Variants in PHKB observed in about 807,000 individuals in gnomAD.
PHKB encodes phosphorylase kinase regulatory subunit beta.
Under a neutral mutation model 152.1 loss-of-function variants are expected in PHKB, and 122 were observed. That is an observed-to-expected ratio of 0.80 (90% CI 0.69 to 0.93). PHKB has a LOEUF of 0.93. Among genes scored for constraint, PHKB ranks in the 40% least tolerant of loss-of-function variants. PHKB has a pLI of 0.00. For missense variants in PHKB, 1,304 were observed against 1,328.4 expected, an observed-to-expected ratio of 0.98 and a Z score of 0.29; for synonymous variants, 436 against 464.9, an observed-to-expected ratio of 0.94 and a Z score of 0.80.
At chr16:47,680,405 AT>A (rs1322728920) in intron 26 of PHKB, among the ~76,000 whole-genome samples, 1 of 151,910 alleles carries the variant, frequency 6.6e-6, no homozygotes, top group African/African-American at 2.4e-5. Flanking sequence ...GTCCTGGACT[AT>A]TTTTGGTTGG....
chr16:47,605,797 GT>G (rs932334261), intron 13 of PHKB, among the ~76,000 whole-genome samples: 20 of 151,786 alleles, frequency 1.3e-4, no homozygotes, highest in African/African-American at 4.8e-4. Context: ...TGTCTAAATA[GT>G]TTTTTTTATT....
At chr16:47,569,096 A>G (rs977795921) in intron 7 of PHKB, among the ~76,000 whole-genome samples, 3 of 152,160 alleles carry the variant, frequency 2.0e-5, no homozygotes, top group Non-Finnish European at 2.9e-5. Flanking sequence ...TCAGTGATCT[A>G]TGTAGTGCTG....
intron 6 of PHKB, among the ~76,000 whole-genome samples, chr16:47,519,897 CTAT>C (rs1420076053): frequency 6.6e-6 from 1 of 151,786 alleles, no homozygotes; most frequent in Non-Finnish European, 1.5e-5. Context: ...GTATTTTATT[CTAT>C]TATTTTCTAT....
In PHKB at chr16:47,549,533, A is replaced by AAAAACAC. The variant is rs1971234273; in HGVS notation, c.710+1989_710+1990insCACAAAA. ...GGTGACAACCTGTCTCTACTTAAAA[A>AAAAACAC]AAAATACAAAAATTAGCCTGGCATG... On this transcript the variant is annotated intron_variant, in intron 7 of 30. Coordinates refer to ENST00000323584, the MANE Select transcript of PHKB (RefSeq NM_000293.3). Among the ~76,000 whole-genome samples, 10 of 152,270 alleles carry AAAAACAC rather than the reference A, an allele frequency of 6.6e-5. No individual in the cohort carries two copies. The South Asian group carries it at 2.1e-3, about 32-fold the overall frequency.
intron 6 of PHKB, among the ~76,000 whole-genome samples, chr16:47,544,532 T>G (rs1342791662): frequency 6.6e-6 from 1 of 152,236 alleles, no homozygotes; most frequent in Non-Finnish European, 1.5e-5. Context: ...TTGTAATAAG[T>G]GCGATGTGTT....
At chr16:47,596,092 GT>G (rs1972113014) in intron 12 of PHKB, among the ~76,000 whole-genome samples, 2 of 152,116 alleles carry the variant, frequency 1.3e-5, no homozygotes, top group African/African-American at 2.4e-5. Context: ...ATGGGGGGCG[GT>G]TTCCCCCATA....
intron 14 of PHKB, among the ~76,000 whole-genome samples, chr16:47,638,546 A>G (rs1972960921): frequency 6.6e-6 from 1 of 152,248 alleles, no homozygotes; most frequent in Non-Finnish European, 1.5e-5. Flanking sequence ...CATTTTAAAA[A>G]TAAAGTATGG....
At chr16:47,502,600 G>A (rs146085301) in intron 3 of PHKB, among the ~76,000 whole-genome samples, 48 of 152,232 alleles carry the variant, frequency 3.2e-4, no homozygotes, top group African/African-American at 1.1e-3. Context: ...AAATCCAAGC[G>A]GCCATTGCAT....
chr16:47,546,657 GTTTA>G (rs775986846), intron 6 of PHKB, among the ~76,000 whole-genome samples: 2 of 152,176 alleles, frequency 1.3e-5, no homozygotes, highest in Non-Finnish European at 2.9e-5. Flanking sequence ...GGACTGGGAC[GTTTA>G]ACTCTGCAGA....
At chr16:47,642,046 C>A (rs13335059) in intron 16 of PHKB, among the ~76,000 whole-genome samples, 1 of 151,316 alleles carries the variant, frequency 6.6e-6, no homozygotes, top group African/African-American at 2.4e-5. Flanking sequence ...TGATTTTTTT[C>A]CTCTTATCAA....
chr16:47,620,329 A>G (rs954488712), intron 14 of PHKB, among the ~76,000 whole-genome samples: 3 of 152,240 alleles, frequency 2.0e-5, no homozygotes, highest in African/African-American at 7.2e-5. Flanking sequence ...TTAAGAACAC[A>G]GGAGGCACAC....
rs1160546323 is a variant in PHKB at position 47,558,376 on chromosome 16, G to GTAT, written c.710+10829_710+10831dup. ...GTGCACATGTACCCTAAAACTTAAA[G>GTAT]TATAATAATAATAAAATAAAAATAA... On this transcript the variant is annotated intron_variant, in intron 7 of 30. Coordinates refer to ENST00000323584, the MANE Select transcript of PHKB (RefSeq NM_000293.3). Among the ~76,000 whole-genome samples, 13 of 152,048 alleles carry GTAT rather than the reference G, an allele frequency of 8.5e-5. 1 individual carries two copies. Among genetic ancestry groups the GTAT allele is most frequent in the African/African-American group, 2.9e-4 (12 of 41,456 alleles).
At chr16:47,572,781 G>A (rs1971684226) in intron 7 of PHKB, among the ~76,000 whole-genome samples, 1 of 152,174 alleles carries the variant, frequency 6.6e-6, no homozygotes, top group South Asian at 2.1e-4. Flanking sequence ...ACATGAACAG[G>A]CCCAAGGCCT....
At chr16:47,611,669 AAC>A (rs764761481) in intron 14 of PHKB, among the ~76,000 whole-genome samples, 33 of 150,182 alleles carry the variant, frequency 2.2e-4, no homozygotes, top group Admixed American at 2.0e-4. Context: ...TATACACACA[AAC>A]ACACACACAC....
At chr16:47,685,495 T>A (rs1309268573) in intron 26 of PHKB, among the ~76,000 whole-genome samples, 1 of 152,194 alleles carries the variant, frequency 6.6e-6, no homozygotes, top group African/African-American at 2.4e-5. Context: ...TCATTGGGAA[T>A]GAGGGATAAT....
In PHKB at chr16:47,547,505, A is replaced by G. The variant is rs1186316633; in HGVS notation, c.667A>G (p.Arg223Gly). ...YRVPDFGVWE[R>G]GSKYNNGSTE... ...TGTGCCTGACTTTGGTGTCTGGGAA[A>G]GAGGAAGCAAATATAATAATGGCAG... The change falls in exon 7 of 31, where the codon AGA (arginine) becomes GGA (glycine). Residue 223 changes from arginine to glycine, a missense_variant. Arg to Gly is a moderately radical substitution (Grantham distance 125, BLOSUM62 -2). Coordinates refer to ENST00000323584, the MANE Select transcript of PHKB (RefSeq NM_000293.3). The G allele has an allele frequency of 1.2e-6, 2 of 1,612,426 alleles. No individual in the cohort carries two copies. The highest frequency in any genetic ancestry group is 2.2e-5 in the East Asian group (1 of 44,870).
chr16:47,651,067 A>G lies in PHKB; in HGVS notation c.1971+146A>G. 3 of 701,892 alleles carry G rather than the reference A, an allele frequency of 4.3e-6. No individual in the cohort carries two copies. The East Asian group carries it at 8.1e-5, about 19-fold the overall frequency. The allele number at this position is 701,892 out of a possible 1,614,324, so 43.5% of individuals were successfully genotyped here. A position where few individuals can be genotyped will look rare whatever the true frequency, so the allele number is the denominator to read the frequency against. ...TTCCTATTCCTATTGTCACTTTTCC[A>G]GTTTATCTGATCCCACCAAGTCAGA... On this transcript the variant is annotated intron_variant, in intron 20 of 30. Coordinates refer to ENST00000323584, the MANE Select transcript of PHKB (RefSeq NM_000293.3).
chr16:47,689,281 T>C, intron 27 of PHKB, 106 bp downstream of exon 27: 1 of 1,172,596 alleles, frequency 8.5e-7, no homozygotes. Flanking sequence ...ATAAGTAAAA[T>C]TCAACAGAGT....
intron 6 of PHKB, among the ~76,000 whole-genome samples, chr16:47,538,107 C>T (rs1463782901): frequency 6.6e-6 from 1 of 152,052 alleles, no homozygotes; most frequent in African/African-American, 2.4e-5. Context: ...GTTGCCTAGG[C>T]TGGTCTTGAA....
Sources: gnomAD v4.1 joint callset for allele counts (sites outside exome capture counted in the v4.1 genomes callset) on GRCh38, gnomAD v4.1.1 for gene constraint, MANE v1.5 for transcripts, NCBI Gene and HGNC (gene_info 2026-07-23, HGNC 2026-07-21) for gene names.